RAPGEF2: variants seen among roughly 807,000 people sequenced by gnomAD.
RAPGEF2 encodes the protein Rap guanine nucleotide exchange factor 2, also known as PDZ domain containing guanine nucleotide exchange factor (GEF) 1.
A neutral mutation model predicts 186.7 loss-of-function variants in RAPGEF2; 54 were observed. That is an observed-to-expected ratio of 0.29 (90% CI 0.23 to 0.36). The LOEUF (loss-of-function observed/expected upper bound fraction) is 0.36. Ranked by LOEUF, RAPGEF2 falls within the 10% of genes least tolerant of loss-of-function variation. RAPGEF2 has a pLI of 1.00. For synonymous variants in RAPGEF2, 712 were observed against 705.9 expected (o/e 1.01, Z -0.14); for missense variants, 1,532 against 2,045.0 (o/e 0.75, Z 4.84).
At chr4:159,286,162 G>T (rs1410088769) in intron 7 of RAPGEF2, among the ~76,000 whole-genome samples, 1 of 149,154 alleles carries the variant, frequency 6.7e-6, no homozygotes, top group Non-Finnish European at 1.5e-5. Context: ...TCAAATCACT[G>T]GGGTTGCCAT....
At chr4:159,173,367 C>T (rs1316690100) in intron 1 of RAPGEF2, among the ~76,000 whole-genome samples, 1 of 152,082 alleles carries the variant, frequency 6.6e-6, no homozygotes, top group Non-Finnish European at 1.5e-5. Context: ...GAGATTTGTA[C>T]AGTGAATGTT....
At chr4:159,248,088 C>T (rs1173325720) in intron 7 of RAPGEF2, among the ~76,000 whole-genome samples, 2 of 152,126 alleles carry the variant, frequency 1.3e-5, no homozygotes, top group African/African-American at 4.8e-5. Context: ...CAAAATAAAA[C>T]TTTAAATAGC....
At position 159,358,447 on chromosome 4, in the gene RAPGEF2, CACA is replaced by C. The variant is rs1371171400; in HGVS notation, c.*313_*315del. The C allele has an allele frequency of 5.7e-6, 2 of 350,456 alleles. No homozygotes were observed. Among genetic ancestry groups the C allele is most frequent in the East Asian group, 4.5e-5 (1 of 22,114 alleles). 21.7% of individuals were successfully genotyped at this position (350,456 alleles called of 1,614,324 possible). A position where few individuals can be genotyped will look rare whatever the true frequency, so the allele number is the denominator to read the frequency against. On this transcript the variant is annotated 3_prime_UTR_variant, in exon 30 of 30. Transcript: ENST00000691494. Reference sequence around the variant, plus strand: ...GTATCATTCCAAATTCCAAGATCATCACAACAAGATGATTCACTCTGGCTGCAC... The same window carrying C: ...GTATCATTCCAAATTCCAAGATCATCACAAGATGATTCACTCTGGCTGCAC...
At position 159,314,689 on chromosome 4, in the gene RAPGEF2, A is replaced by G. The variant is rs764478105; in HGVS notation, c.774A>G (p.Ala258=). 2 of 1,614,086 alleles carry G rather than the reference A, an allele frequency of 1.2e-6. No homozygotes were observed. The highest frequency in any genetic ancestry group is 2.7e-5 in the African/African-American group (2 of 75,052). Residue 258 remains alanine (A), a synonymous_variant, in exon 9 of 30, where the codon GCA becomes GCG. Transcript: ENST00000691494. ...ACGATGAAGAAGACATTGAGAGAGC[A>G]TCAGATCCTCTGATGAGCAGGGACA... ...DDDDEEDIER[A]SDPLMSRDIV...
intron 3 of RAPGEF2, 57 bp downstream of exon 3, chr4:159,193,313 A>G: frequency 1.8e-6 from 2 of 1,117,512 alleles, no homozygotes; most frequent in East Asian, 2.9e-5. Flanking sequence ...AAATTTTCTT[A>G]AAGTATCAAA....
chr4:159,135,233 A>G (rs1741592617), intron 1 of RAPGEF2, among the ~76,000 whole-genome samples: 1 of 151,796 alleles, frequency 6.6e-6, no homozygotes, highest in African/African-American at 2.4e-5. Context: ...TTTTGTAGAG[A>G]TGGTGTTTCA....
chr4:159,343,248 T>C (rs569674173), intron 21 of RAPGEF2, 33 bp from the exon 22 acceptor site: 21 of 1,613,944 alleles, frequency 1.3e-5, no homozygotes, highest in Non-Finnish European at 1.5e-5. Context: ...ATAAATGCCA[T>C]GTGATTTCCT....
intron 1 of RAPGEF2, among the ~76,000 whole-genome samples, chr4:159,134,119 G>A (rs1367617670): frequency 2.6e-5 from 4 of 152,212 alleles, no homozygotes; most frequent in African/African-American, 9.6e-5. Context: ...GTGCCTTTGT[G>A]CCTTTTTGTA....
chr4:159,157,593 A>G (rs1744266462), intron 1 of RAPGEF2, among the ~76,000 whole-genome samples: 1 of 152,192 alleles, frequency 6.6e-6, no homozygotes, highest in African/African-American at 2.4e-5. Context: ...AACATGTTTT[A>G]CAGGACCAGA....
intron 7 of RAPGEF2, among the ~76,000 whole-genome samples, chr4:159,247,499 T>C (rs142540018): frequency 4.6e-4 from 70 of 152,288 alleles, no homozygotes; most frequent in South Asian, 2.3e-3. Context: ...ATGTTGAAAG[T>C]TGAACTTTTT....
At chr4:159,127,527 C>A (rs896962360) in intron 1 of RAPGEF2, among the ~76,000 whole-genome samples, 2 of 152,110 alleles carry the variant, frequency 1.3e-5, no homozygotes, top group African/African-American at 4.8e-5. Context: ...TATGCTGTCA[C>A]TGTTTTTAGC....
At chr4:159,137,709 CAAA>C (rs35501594) in intron 1 of RAPGEF2, among the ~76,000 whole-genome samples, 1 of 122,212 alleles carries the variant, frequency 8.2e-6, no homozygotes, top group African/African-American at 3.1e-5. Context: ...AAAATAAATG[CAAA>C]AAAAAAAAAA....
At chr4:159,277,620 A>G (rs1276003922) in intron 7 of RAPGEF2, among the ~76,000 whole-genome samples, 3 of 152,158 alleles carry the variant, frequency 2.0e-5, no homozygotes, top group African/African-American at 7.2e-5. Context: ...TTGCCATTCT[A>G]ACTGGCGTAA....
intron 1 of RAPGEF2, among the ~76,000 whole-genome samples, chr4:159,136,974 G>C (rs754714661): frequency 6.6e-5 from 10 of 152,172 alleles, no homozygotes; most frequent in Non-Finnish European, 5.9e-5. Context: ...ATGGCCATTG[G>C]TTGCTAGTGC....
chr4:159,346,715 T>C (rs545755238), intron 24 of RAPGEF2, 74 bp from the exon 25 acceptor site: 12 of 1,263,484 alleles, frequency 9.5e-6, no homozygotes, highest in African/African-American at 8.9e-5. Flanking sequence ...CTCACACAGT[T>C]CTAGAATTAT....
chr4:159,264,286 G>A (rs1757197125), intron 7 of RAPGEF2, among the ~76,000 whole-genome samples: 2 of 152,192 alleles, frequency 1.3e-5, no homozygotes, highest in Non-Finnish European at 2.9e-5. Context: ...ATCATGCCAA[G>A]TCTTAGCACA....
At chr4:159,328,065 T>G in intron 11 of RAPGEF2, 1 of 152,172 alleles carries the variant, frequency 6.6e-6, no homozygotes, top group Admixed American at 6.5e-5. Flanking sequence ...TATTTCTTTT[T>G]TAGAAGATAA....
chr4:159,165,434 A>G (rs1209100686), intron 1 of RAPGEF2, among the ~76,000 whole-genome samples: 1 of 152,224 alleles, frequency 6.6e-6, no homozygotes, highest in Non-Finnish European at 1.5e-5. Context: ...ATTTTATATA[A>G]TTGTATGTAT....
chr4:159,215,006 G>T (rs1163450536), intron 4 of RAPGEF2, among the ~76,000 whole-genome samples: 1 of 152,122 alleles, frequency 6.6e-6, no homozygotes, highest in African/African-American at 2.4e-5. Flanking sequence ...GGTATTACAG[G>T]TGCCTACCAC....
Sources: allele counts gnomAD v4.1 joint callset (sites outside exome capture counted in the v4.1 genomes callset), GRCh38; gene constraint gnomAD v4.1.1; transcripts MANE v1.5; gene names NCBI Gene and HGNC (gene_info 2026-07-23, HGNC 2026-07-21).